Variants in LGSN observed in about 807,000 individuals in gnomAD.
The protein encoded by LGSN is lengsin, lens protein with glutamine synthetase domain, also known as lengsin.
LGSN carries 21 observed loss-of-function variants against 19.5 expected under a neutral mutation model. The observed-to-expected ratio is 1.07, with a 90% CI of 0.76 to 1.55. The LOEUF (loss-of-function observed/expected upper bound fraction) is 1.55. Among genes scored for constraint, LGSN ranks in the 40% most tolerant of loss-of-function variants. The probability of loss-of-function intolerance (pLI) is 0.00; values close to 1 mark genes in which losing one functional copy is unlikely to be tolerated. For missense variants in LGSN, 673 were observed against 608.5 expected, an observed-to-expected ratio of 1.11 and a Z score of -1.12; for synonymous variants, 257 against 215.6, an observed-to-expected ratio of 1.19 and a Z score of -1.68.
chr6:63,509,129 A>G, the LGSN span, among the ~76,000 whole-genome samples: 5 of 151,004 alleles, frequency 3.3e-5, 1 homozygote, highest in Admixed American at 2.6e-4. Context: ...CACTGGCACG[A>G]TCTCAGCTCA....
the LGSN span, among the ~76,000 whole-genome samples, chr6:63,546,786 TTAATAA>T: frequency 6.6e-6 from 1 of 152,140 alleles, no homozygotes; most frequent in Non-Finnish European, 1.5e-5. Flanking sequence ...GTGACTATAG[TTAATAA>T]TAATGTGTTA....
chr6:63,515,395 C>T, the LGSN span, among the ~76,000 whole-genome samples: 1 of 152,046 alleles, frequency 6.6e-6, no homozygotes, highest in Non-Finnish European at 1.5e-5. Flanking sequence ...CCATGTCCAA[C>T]TAATTTTGTA....
the LGSN span, among the ~76,000 whole-genome samples, chr6:63,564,420 G>C: frequency 6.6e-6 from 1 of 152,156 alleles, no homozygotes; most frequent in Non-Finnish European, 1.5e-5. Flanking sequence ...AAGCAACTGT[G>C]TTAGGATAAG....
At chr6:63,409,733 C>G in the LGSN span, among the ~76,000 whole-genome samples, 1 of 152,104 alleles carries the variant, frequency 6.6e-6, no homozygotes, top group Non-Finnish European at 1.5e-5. Context: ...TTAAATATTT[C>G]TAGTCTTTAG....
the LGSN span, among the ~76,000 whole-genome samples, chr6:63,478,964 A>G: frequency 1.3e-5 from 2 of 152,218 alleles, no homozygotes; most frequent in Admixed American, 1.3e-4. Flanking sequence ...AGAGACGTAT[A>G]AAAGGATACA....
the LGSN span, among the ~76,000 whole-genome samples, chr6:63,508,108 A>T: frequency 6.6e-6 from 1 of 152,224 alleles, no homozygotes; most frequent in Non-Finnish European, 1.5e-5. Context: ...GAGTAAAATC[A>T]CATATCTTAC....
chr6:63,456,765 C>A, the LGSN span, among the ~76,000 whole-genome samples: 1 of 152,066 alleles, frequency 6.6e-6, no homozygotes, highest in Non-Finnish European at 1.5e-5. Context: ...GGCTTAGGAG[C>A]CATTTTATAG....
At chr6:63,539,373 G>A in the LGSN span, among the ~76,000 whole-genome samples, 1 of 152,080 alleles carries the variant, frequency 6.6e-6, no homozygotes, top group African/African-American at 2.4e-5. Context: ...CTCCCTCCAG[G>A]ATTCCATCCC....
the LGSN span, among the ~76,000 whole-genome samples, chr6:63,507,894 A>T: frequency 1.3e-5 from 2 of 152,212 alleles, no homozygotes; most frequent in Non-Finnish European, 2.9e-5. Flanking sequence ...TTGATCTACT[A>T]GAGCAAAAAC....
At chr6:63,442,342 G>A in the LGSN span, among the ~76,000 whole-genome samples, 13 of 152,164 alleles carry the variant, frequency 8.5e-5, no homozygotes, top group African/African-American at 2.9e-4. Context: ...GGACCTGACC[G>A]GGTTGCTGCT....
the LGSN span, among the ~76,000 whole-genome samples, chr6:63,344,856 G>A: frequency 6.6e-6 from 1 of 152,184 alleles, no homozygotes; most frequent in Non-Finnish European, 1.5e-5. Flanking sequence ...AGCATTTATA[G>A]TTAAGATACT....
the LGSN span, among the ~76,000 whole-genome samples, chr6:63,412,486 G>GAAAGAAAGAAAGAAAGAAAGAAAC: frequency 3.5e-3 from 201 of 57,600 alleles, 4 homozygotes; most frequent in African/African-American, 0.017. Context: ...AGAAAGAGAA[G>GAAAGAAAGAAAGAAAGAAAGAAAC]AAAGAAAGAA....
the LGSN span, among the ~76,000 whole-genome samples, chr6:63,514,490 G>T: frequency 1.3e-5 from 2 of 152,182 alleles, no homozygotes; most frequent in Admixed American, 6.5e-5. Context: ...GCCTCCCGAA[G>T]TGCTGGAATT....
At chr6:63,378,999 G>A in the LGSN span, among the ~76,000 whole-genome samples, 1 of 152,300 alleles carries the variant, frequency 6.6e-6, no homozygotes, top group South Asian at 2.1e-4. Context: ...GCTCGGCAGG[G>A]TTTCCTCCCC....
chr6:63,308,614 C>CAA (rs3839641), intron 1 of LGSN, among the ~76,000 whole-genome samples: 5,379 of 140,372 alleles, frequency 0.038, 313 homozygotes, highest in African/African-American at 0.13. Context: ...AATGTCAATA[C>CAA]AAAAAAAAAA....
the LGSN span, among the ~76,000 whole-genome samples, chr6:63,486,737 T>A: frequency 6.9e-6 from 1 of 144,302 alleles, no homozygotes; most frequent in Non-Finnish European, 1.5e-5. Context: ...ACAGCTGCAG[T>A]GCAGTGGTGT....
chr6:63,286,782 C>T (rs944893138), intron 2 of LGSN, among the ~76,000 whole-genome samples: 1 of 152,220 alleles, frequency 6.6e-6, no homozygotes, highest in Non-Finnish European at 1.5e-5. Context: ...TCCAATCCTG[C>T]CTTTGCCCTA....
At chr6:63,413,067 A>G in the LGSN span, among the ~76,000 whole-genome samples, 1 of 152,242 alleles carries the variant, frequency 6.6e-6, no homozygotes, top group South Asian at 2.1e-4. Flanking sequence ...CATAATCCCT[A>G]TAAACCATTA....
chr6:63,295,265 G>GATA (rs1767941003), intron 1 of LGSN, among the ~76,000 whole-genome samples: 1 of 152,114 alleles, frequency 6.6e-6, no homozygotes, highest in Non-Finnish European at 1.5e-5. Flanking sequence ...CCTTTTATAT[G>GATA]TGATACAGAA....
Sources: gnomAD v4.1 joint callset for allele counts (sites outside exome capture counted in the v4.1 genomes callset) on GRCh38, gnomAD v4.1.1 for gene constraint, MANE v1.5 for transcripts, NCBI Gene and HGNC (gene_info 2026-07-23, HGNC 2026-07-21) for gene names.